BTBD16: variants seen among roughly 807,000 people sequenced by gnomAD.
BTBD16 encodes BTB/POZ domain-containing protein 16.
Under a neutral mutation model 67.4 loss-of-function variants are expected in BTBD16, and 66 were observed. The observed-to-expected ratio is 0.98, with a 90% confidence interval of 0.80 to 1.20. The LOEUF (loss-of-function observed/expected upper bound fraction) is 1.20, where lower values mean the gene tolerates loss of function less well. Ranked by LOEUF, BTBD16 falls within the 50% of genes most tolerant of loss-of-function variation. The pLI is 0.00. For synonymous variants in BTBD16, 242 were observed against 236.4 expected, an observed-to-expected ratio of 1.02 and a Z score of -0.22; for missense variants, 634 against 616.0, an observed-to-expected ratio of 1.03 and a Z score of -0.31.
rs78291892 is a variant in BTBD16 at position 122,326,866 on chromosome 10, G to A, written c.912-2614G>A. On this transcript the variant is annotated intron_variant, in intron 10 of 15. Coordinates refer to ENST00000260723, the MANE Select transcript of BTBD16 (RefSeq NM_144587.5). ...AAAAATAAGTGCTAAACCAAAAGAG[G>A]TCTTTGCACAAACAGAGCGCAGTAC... Among the ~76,000 whole-genome samples the A allele has an allele frequency of 4.1e-3, 627 of 152,298 alleles. 8 individuals are homozygous for A. The highest frequency in any genetic ancestry group is 0.014 in the African/African-American group (597 of 41,560).
chr10:122,300,602 C>T (rs575824877), intron 9 of BTBD16, among the ~76,000 whole-genome samples: 4 of 152,254 alleles, frequency 2.6e-5, no homozygotes, highest in South Asian at 2.1e-4. Flanking sequence ...AACTATAGTG[C>T]AGTTATCAAC....
At chr10:122,327,086 G>C (rs1280400382) in intron 10 of BTBD16, among the ~76,000 whole-genome samples, 1 of 152,176 alleles carries the variant, frequency 6.6e-6, no homozygotes, top group Non-Finnish European at 1.5e-5. Flanking sequence ...TGCTGGACTA[G>C]CCCTGAGTGG....
chr10:122,294,986 G>A lies in BTBD16; in HGVS notation c.591-2782G>A, dbSNP rs1041999423. Reference sequence around the variant, plus strand: ...GGGCCCGAGCCTCCTGTTCAGCCTCGTCACAGCTTGGGCTTCACCCTCTGC... The same window carrying A: ...GGGCCCGAGCCTCCTGTTCAGCCTCATCACAGCTTGGGCTTCACCCTCTGC... On this transcript the variant is annotated intron_variant, in intron 7 of 15. Coordinates refer to ENST00000260723, the MANE Select transcript of BTBD16 (RefSeq NM_144587.5). Among the ~76,000 whole-genome samples, 9 of 152,224 alleles carry A rather than the reference G, an allele frequency of 5.9e-5. No individual in the cohort carries two copies. The East Asian group carries it at 7.7e-4, about 13-fold the overall frequency.
intron 4 of BTBD16, among the ~76,000 whole-genome samples, chr10:122,284,673 ATTTTTTTTTTTT>A (rs60823097): frequency 8.0e-6 from 1 of 124,690 alleles, no homozygotes; most frequent in Non-Finnish European, 1.7e-5. Flanking sequence ...CTTAAAGTGG[ATTTTTTTTTTTT>A]TTTTTTTTTT....
At chr10:122,302,407 C>G (rs1194104386) in intron 9 of BTBD16, among the ~76,000 whole-genome samples, 1 of 152,110 alleles carries the variant, frequency 6.6e-6, no homozygotes, top group African/African-American at 2.4e-5. Flanking sequence ...CCAAGCTGCT[C>G]ATGGACTTAG....
chr10:122,324,480 A>G (rs753665359), intron 10 of BTBD16, among the ~76,000 whole-genome samples: 2 of 152,252 alleles, frequency 1.3e-5, no homozygotes, highest in African/African-American at 2.4e-5. Flanking sequence ...TTGCAGATGT[A>G]GCCAGAGTTA....
At chr10:122,317,213 T>C (rs898107378) in intron 10 of BTBD16, among the ~76,000 whole-genome samples, 2 of 152,242 alleles carry the variant, frequency 1.3e-5, no homozygotes, top group Non-Finnish European at 2.9e-5. Context: ...AAAACTTGAC[T>C]TTTTCATAAC....
chr10:122,330,720 GTTGTT>G (rs531057457), intron 11 of BTBD16, among the ~76,000 whole-genome samples: 1 of 152,078 alleles, frequency 6.6e-6, no homozygotes, highest in African/African-American at 2.4e-5. Flanking sequence ...GGTTTTTTGT[GTTGTT>G]TTGTTTTGTT....
Position 122,307,309 on chromosome 10 carries a change from G to A in BTBD16, c.911+1G>A. On this transcript the variant is annotated splice_donor_variant, in intron 10 of 15. Transcript: ENST00000260723. LOFTEE classifies it high-confidence loss of function. Reference sequence around the variant, plus strand: ...AAACCGTGATGACATTTTTTAAGAGGTAATATAACTTAGTGTTGATTGATG... The same window carrying A: ...AAACCGTGATGACATTTTTTAAGAGATAATATAACTTAGTGTTGATTGATG... The A allele has an allele frequency of 2.5e-6, 4 of 1,602,508 alleles. No individual in the cohort carries two copies. Among genetic ancestry groups the A allele is most frequent in the Non-Finnish European group, 3.4e-6 (4 of 1,176,462 alleles).
chr10:122,277,956 A>G lies in BTBD16; in HGVS notation c.167+1017A>G, dbSNP rs577867835. ...GGCAGCATCAGTCTTGTGAGCTCAC[A>G]GCCAAATCAAAGTGAGCATGGACTG... On this transcript the variant is annotated intron_variant, in intron 3 of 15. Transcript: ENST00000260723. Among the ~76,000 whole-genome samples the G allele has an allele frequency of 2.0e-5, 3 of 152,316 alleles. No homozygotes were observed. In the South Asian group the frequency reaches 6.2e-4, roughly 32 times the overall value.
intron 10 of BTBD16, among the ~76,000 whole-genome samples, chr10:122,320,169 T>C (rs977317746): frequency 4.6e-5 from 7 of 152,216 alleles, no homozygotes; most frequent in African/African-American, 1.4e-4. Context: ...TTTCTTCCTT[T>C]CTATCTGTAT....
intron 7 of BTBD16, 139 bp from the exon 8 acceptor site, chr10:122,297,629 T>C (rs1326787280): frequency 1.2e-6 from 1 of 852,156 alleles, no homozygotes. Context: ...TCTGGCCAAA[T>C]GTCCATACCC....
intron 7 of BTBD16, among the ~76,000 whole-genome samples, chr10:122,296,409 AAG>A (rs2096383245): frequency 6.6e-6 from 1 of 152,194 alleles, no homozygotes; most frequent in Non-Finnish European, 1.5e-5. Context: ...ATTTTAGAAT[AAG>A]TGCAAGAGGT....
chr10:122,272,765 A>T (rs1435422738), intron 1 of BTBD16, among the ~76,000 whole-genome samples: 1 of 152,172 alleles, frequency 6.6e-6, no homozygotes, highest in Non-Finnish European at 1.5e-5. Flanking sequence ...TCAAAAGACA[A>T]ATGATACACT....
chr10:122,304,844 C>A (rs1055039930), intron 9 of BTBD16, among the ~76,000 whole-genome samples: 1 of 152,124 alleles, frequency 6.6e-6, no homozygotes, highest in Non-Finnish European at 1.5e-5. Context: ...TGAGCCACTG[C>A]GCCTGGCCAG....
chr10:122,275,260 A>C (rs74161406), intron 2 of BTBD16, among the ~76,000 whole-genome samples, 161 bp downstream of exon 2: 5,596 of 152,186 alleles, frequency 0.037, 338 homozygotes, highest in African/African-American at 0.13. Flanking sequence ...AGCACCGTCC[A>C]GAGGGCAGAG....
intron 10 of BTBD16, among the ~76,000 whole-genome samples, chr10:122,312,919 C>T (rs1040449045): frequency 6.6e-6 from 1 of 152,168 alleles, no homozygotes; most frequent in African/African-American, 2.4e-5. Context: ...CTCTGTTGCC[C>T]AGGCTGGAGT....
intron 10 of BTBD16, among the ~76,000 whole-genome samples, chr10:122,315,445 A>T (rs1424565986): frequency 6.6e-6 from 1 of 152,210 alleles, no homozygotes; most frequent in Non-Finnish European, 1.5e-5. Context: ...TATTCATGAG[A>T]GATATTAGCT....
At chr10:122,303,388 C>T (rs771959036) in intron 9 of BTBD16, among the ~76,000 whole-genome samples, 1 of 152,206 alleles carries the variant, frequency 6.6e-6, no homozygotes, top group Non-Finnish European at 1.5e-5. Context: ...TCACTTACAT[C>T]GTGTGTTGTG....
Sources: allele counts gnomAD v4.1 joint callset (sites outside exome capture counted in the v4.1 genomes callset), GRCh38; gene constraint gnomAD v4.1.1; transcripts MANE v1.5; gene names NCBI Gene and HGNC (gene_info 2026-07-23, HGNC 2026-07-21).